Variants in ZNF33B observed in about 807,000 individuals in gnomAD.
ZNF33B encodes the protein zinc finger protein 11b (KOX 2).
A neutral mutation model predicts 45.8 loss-of-function variants in ZNF33B; 29 were observed. The ratio of observed to expected loss-of-function variants is 0.63; its 90% CI spans 0.47 to 0.86. ZNF33B has a LOEUF of 0.86. Among genes scored for constraint, ZNF33B ranks in the 40% least tolerant of loss-of-function variants. The pLI is 0.00. For synonymous variants in ZNF33B, 305 were observed against 307.8 expected, an observed-to-expected ratio of 0.99 and a Z score of 0.10; for missense variants, 831 against 909.9, an observed-to-expected ratio of 0.91 and a Z score of 1.12.
At chr10:42,621,959 T>C (rs976566949) in intron 4 of ZNF33B, among the ~76,000 whole-genome samples, 5 of 152,138 alleles carry the variant, frequency 3.3e-5, no homozygotes, top group Non-Finnish European at 7.4e-5. Flanking sequence ...ACAAGAAAGA[T>C]ACTATAGCTA....
At chr10:42,599,121 G>A (rs1045252487) in intron 4 of ZNF33B, among the ~76,000 whole-genome samples, 39 of 152,070 alleles carry the variant, frequency 2.6e-4, no homozygotes, top group Non-Finnish European at 3.4e-4. Context: ...TAATTTACAG[G>A]TATAGTATTC....
intron 4 of ZNF33B, among the ~76,000 whole-genome samples, chr10:42,599,466 A>G (rs75466384): frequency 2.9e-3 from 2 of 692 alleles, no homozygotes; most frequent in Middle Eastern, 0.25. Context: ...ATATATACAT[A>G]TGTATATTAC....
intron 2 of ZNF33B, 192 bp downstream of exon 2, chr10:42,636,728 G>A: frequency 1.5e-6 from 1 of 682,940 alleles, no homozygotes; most frequent in Non-Finnish European, 2.4e-6. Context: ...GCTGAGGCAG[G>A]TGAATTGCTT....
chr10:42,621,259 G>C (rs532588227), intron 4 of ZNF33B, among the ~76,000 whole-genome samples: 39 of 152,028 alleles, frequency 2.6e-4, no homozygotes, highest in African/African-American at 8.7e-4. Context: ...TTGAGCCTGG[G>C]AGTTCGAGGC....
At position 42,620,364 on chromosome 10, in the gene ZNF33B, C is replaced by T. The variant is rs542945193; in HGVS notation, c.250+11565G>A. On this transcript the variant is annotated intron_variant, in intron 4 of 4. Transcript: ENST00000359467. The stretch of plus-strand genomic sequence containing the variant: ...TTACTTTAAATGATAATTGCTTGAA[C>T]TCACCAATCAGAAGACAGAGGCTGG... 2.0e-5 allele frequency among the ~76,000 whole-genome samples: 3 copies of T among 152,022 alleles called. No homozygotes were observed. The South Asian group carries it at 6.2e-4, about 32-fold the overall frequency.
Position 42,594,247 on chromosome 10 carries a change from T to G in ZNF33B, c.703A>C (p.Asn235His). The G allele has an allele frequency of 6.2e-7, 1 of 1,613,816 alleles. No homozygotes were observed. Among genetic ancestry groups the G allele is most frequent in the South Asian group, 1.1e-5 (1 of 91,082 alleles). The change falls in exon 5 of 5, where the codon AAT becomes CAT. Residue 235 changes from asparagine (N) to histidine (H), a missense_variant. By Grantham distance (68) the Asn-to-His change is moderately conservative (BLOSUM62 1). Coordinates refer to ENST00000359467, the MANE Select transcript of ZNF33B (RefSeq NM_006955.3). ...QETLLEKAVF[N>H]TRKRENAEEN... ...TCTGCATTCTCTCTCTTCCGTGTAT[T>G]GAATACTGCCTTTTCAAGGAGGGTT...
chr10:42,638,022 A>G (rs1839407870), intron 1 of ZNF33B, among the ~76,000 whole-genome samples: 2 of 152,224 alleles, frequency 1.3e-5, no homozygotes, highest in Non-Finnish European at 2.9e-5. Context: ...AGCAAATAAC[A>G]AGATGGGGTG....
chr10:42,580,458 G>T (rs1361571251), intron 1 of ZNF33B, among the ~76,000 whole-genome samples: 1 of 151,688 alleles, frequency 6.6e-6, no homozygotes, highest in Non-Finnish European at 1.5e-5. Context: ...GGCTGGTCTT[G>T]AACTCCTGGC....
chr10:42,628,758 C>G (rs1235776638), intron 4 of ZNF33B, among the ~76,000 whole-genome samples: 3 of 151,972 alleles, frequency 2.0e-5, no homozygotes. Flanking sequence ...AGAACGCCAC[C>G]GATCATACAC....
At position 42,594,372 on chromosome 10, in the gene ZNF33B, A is replaced by T. The variant is rs965342573; in HGVS notation, c.578T>A (p.Val193Asp). ...DETHTREKNEVLKNRNTLSHR... is the reference protein window; with the variant it reads ...DETHTREKNEDLKNRNTLSHR... ...ACTCAGAGTGTTCCTATTTTTCAAA[A>T]CTTCATTTTTCTCTCGAGTATGAGT... Residue 193 changes from valine to aspartate, a missense_variant, in exon 5 of 5, where the codon GTT becomes GAT. Coordinates refer to ENST00000359467, the MANE Select transcript of ZNF33B (RefSeq NM_006955.3). 3 of 1,613,672 alleles carry T rather than the reference A, an allele frequency of 1.9e-6. No individual in the cohort carries two copies. Among genetic ancestry groups the T allele is most frequent in the Middle Eastern group, 1.6e-4 (1 of 6,076 alleles).
chr10:42,608,303 C>A (rs566203796), intron 4 of ZNF33B, among the ~76,000 whole-genome samples: 7 of 152,052 alleles, frequency 4.6e-5, no homozygotes, highest in Admixed American at 4.6e-4. Flanking sequence ...CAACTGGGCA[C>A]AATATAAACA....
chr10:42,589,944 T>C lies in ZNF33B; in HGVS notation c.*2669A>G, dbSNP rs1054795208. ...GATGTAGGGTTTTTTGTAGTAGTTC[T>C]TTATCAAATTGAGTAAGTTCTCCTG... On this transcript the variant is annotated 3_prime_UTR_variant, in exon 5 of 5. Coordinates refer to ENST00000359467, the MANE Select transcript of ZNF33B (RefSeq NM_006955.3). 2.6e-5 allele frequency: 4 copies of C among 152,234 alleles called. No individual in the cohort carries two copies. The highest frequency in any genetic ancestry group is 9.6e-5 in the African/African-American group (4 of 41,456). 9.4% of individuals were successfully genotyped at this position (152,234 alleles called of 1,614,324 possible).
chr10:42,576,284 C>T (rs747053866), intron 1 of ZNF33B, among the ~76,000 whole-genome samples: 19 of 152,152 alleles, frequency 1.2e-4, no homozygotes, highest in Non-Finnish European at 2.4e-4. Flanking sequence ...CCACTGCGCC[C>T]GGCCACAATA....
intron 4 of ZNF33B, among the ~76,000 whole-genome samples, chr10:42,631,405 A>G (rs1839048900): frequency 6.6e-6 from 1 of 152,106 alleles, no homozygotes; most frequent in East Asian, 1.9e-4. Flanking sequence ...GAGTTTCACC[A>G]TGTTGGCTAG....
intron 4 of ZNF33B, among the ~76,000 whole-genome samples, chr10:42,595,652 T>C (rs1837367487): frequency 6.6e-6 from 1 of 152,194 alleles, no homozygotes; most frequent in Non-Finnish European, 1.5e-5. Flanking sequence ...CATGTCCTTA[T>C]AAGAAGAGGA....
At chr10:42,615,151 A>G (rs1838259695) in intron 4 of ZNF33B, among the ~76,000 whole-genome samples, 1 of 152,200 alleles carries the variant, frequency 6.6e-6, no homozygotes. Flanking sequence ...CTACTATGAG[A>G]AACAATCAGG....
At chr10:42,587,882 G>C (rs565287357), downstream of ZNF33B, among the ~76,000 whole-genome samples, 2 of 152,338 alleles carry the variant, frequency 1.3e-5, no homozygotes, top group East Asian at 3.9e-4. Context: ...AGGAAATCAT[G>C]TGTAGTGGCA....
At chr10:42,617,083 A>ATTT (rs1215420263) in intron 4 of ZNF33B, among the ~76,000 whole-genome samples, 1 of 89,720 alleles carries the variant, frequency 1.1e-5, no homozygotes, top group African/African-American at 4.1e-5. Flanking sequence ...AAAATTGTTC[A>ATTT]TTTTTTCTCT....
chr10:42,594,663 T>C lies in ZNF33B; in HGVS notation c.287A>G (p.Gln96Arg), dbSNP rs1388828602. The change falls in exon 5 of 5, where the codon CAA (glutamine) becomes CGA (arginine). Residue 96 changes from glutamine (Q) to arginine (R), a missense_variant. Gln to Arg is a conservative substitution (Grantham distance 43). Transcript: ENST00000359467. ...WTADHLKERS[Q>R]ENQSKHLWEV... ...CCACAAATGTTTAGATTGATTTTCT[T>C]GGCTCCTCTCTTTCAGGTGATCAGC... The C allele has an allele frequency of 6.3e-7, 1 of 1,596,782 alleles. No homozygotes were observed. The highest frequency in any genetic ancestry group is 1.8e-5 in the Admixed American group (1 of 56,892).
Sources: gnomAD v4.1 joint callset for allele counts (sites outside exome capture counted in the v4.1 genomes callset) on GRCh38, gnomAD v4.1.1 for gene constraint, MANE v1.5 for transcripts, NCBI Gene and HGNC (gene_info 2026-07-23, HGNC 2026-07-21) for gene names.